The following MCTP2 variants were observed in gnomAD, a reference collection of about 807,000 sequenced individuals.
MCTP2 encodes the protein multiple C2 and transmembrane domain-containing protein 2.
MCTP2 carries 132 observed loss-of-function variants against 111.6 expected under a neutral mutation model. The ratio of observed to expected loss-of-function variants is 1.18; its 90% CI spans 1.03 to 1.37. The LOEUF is 1.37. MCTP2 is among the 40% of genes most tolerant of loss of function. MCTP2 has a pLI of 0.00. For missense variants in MCTP2, 1,183 were observed against 1,067.9 expected (o/e 1.11, Z -1.50); for synonymous variants, 395 against 387.7 (o/e 1.02, Z -0.22).
At chr15:94,281,658 G>A (rs2074492659) in intron 1 of MCTP2, among the ~76,000 whole-genome samples, 1 of 152,068 alleles carries the variant, frequency 6.6e-6, no homozygotes, top group South Asian at 2.1e-4. Context: ...GTGTCAGTGT[G>A]CTATGTACTT....
intron 2 of MCTP2, among the ~76,000 whole-genome samples, chr15:94,311,187 G>C (rs1428078238): frequency 6.6e-6 from 1 of 151,698 alleles, no homozygotes; most frequent in Admixed American, 6.6e-5. Flanking sequence ...ACCACACCCG[G>C]CTAATTTTTG....
At chr15:94,432,614 C>T (rs1335091318) in intron 17 of MCTP2, among the ~76,000 whole-genome samples, 1 of 152,124 alleles carries the variant, frequency 6.6e-6, no homozygotes, top group Non-Finnish European at 1.5e-5. Context: ...AAATGAGGCT[C>T]TTGATTTCAT....
chr15:94,332,265 C>T (rs796825417), intron 4 of MCTP2, among the ~76,000 whole-genome samples: 6 of 134,532 alleles, frequency 4.5e-5, no homozygotes, highest in South Asian at 2.5e-4. Flanking sequence ...TTAGAAACAA[C>T]GTTTTTATTT....
At chr15:94,375,911 C>G (rs147947889) in intron 12 of MCTP2, among the ~76,000 whole-genome samples, 1 of 152,306 alleles carries the variant, frequency 6.6e-6, no homozygotes, top group African/African-American at 2.4e-5. Flanking sequence ...GCTTCCTCGA[C>G]CACTTTTTAA....
chr15:94,313,593 C>G (rs1052563066), intron 2 of MCTP2, among the ~76,000 whole-genome samples: 7 of 151,862 alleles, frequency 4.6e-5, no homozygotes, highest in Admixed American at 3.3e-4. Context: ...CCCAGCTACT[C>G]GGGAGGCTGA....
chr15:94,340,355 G>C, intron 6 of MCTP2, 80 bp downstream of exon 6: 1 of 1,006,780 alleles, frequency 9.9e-7, no homozygotes, highest in Non-Finnish European at 1.6e-6. Flanking sequence ...GCTTGTTGAG[G>C]TCAAATGACA....
chr15:94,323,211 A>AGAACAATGG (rs533372251), intron 4 of MCTP2, among the ~76,000 whole-genome samples: 1 of 152,232 alleles, frequency 6.6e-6, no homozygotes, highest in Non-Finnish European at 1.5e-5. Flanking sequence ...GTCTGGCTTC[A>AGAACAATGG]GAACAATGGG....
chr15:94,237,314 C>T (rs1182708268), intron 1 of MCTP2, among the ~76,000 whole-genome samples: 1 of 152,024 alleles, frequency 6.6e-6, no homozygotes. Context: ...GAGATGAATC[C>T]TCCACTCTCT....
At chr15:94,423,848 A>C (rs954543027) in intron 17 of MCTP2, among the ~76,000 whole-genome samples, 18 of 152,234 alleles carry the variant, frequency 1.2e-4, no homozygotes, top group African/African-American at 4.3e-4. Context: ...TCACATGTAC[A>C]AGGGAGTTTG....
intron 1 of MCTP2, among the ~76,000 whole-genome samples, chr15:94,243,011 ACG>A: frequency 1.1e-5 from 1 of 88,532 alleles, no homozygotes; most frequent in African/African-American, 4.6e-5. Flanking sequence ...CTACACATAC[ACG>A]TGTATATGTG....
chr15:94,250,421 C>T (rs971519215), intron 1 of MCTP2, among the ~76,000 whole-genome samples: 5 of 152,044 alleles, frequency 3.3e-5, no homozygotes, highest in East Asian at 3.8e-4. Flanking sequence ...GTCGTGAGCA[C>T]GTATTGAGGA....
intron 2 of MCTP2, among the ~76,000 whole-genome samples, chr15:94,305,484 G>GAT (rs748109556): frequency 1.4e-3 from 211 of 150,830 alleles, no homozygotes; most frequent in East Asian, 9.9e-3. Flanking sequence ...CACACATGCG[G>GAT]ATATATATAT....
chr15:94,295,813 G>A (rs1269826516), intron 1 of MCTP2, among the ~76,000 whole-genome samples: 1 of 151,824 alleles, frequency 6.6e-6, no homozygotes, highest in African/African-American at 2.4e-5. Context: ...TATTTGGGAG[G>A]CTGAACTGGG....
chr15:94,381,543 A>AGCATC (rs967537931), intron 12 of MCTP2, among the ~76,000 whole-genome samples: 6 of 152,236 alleles, frequency 3.9e-5, no homozygotes, highest in Non-Finnish European at 8.8e-5. Flanking sequence ...AGGACCAGGC[A>AGCATC]GCATCTCTGC....
intron 1 of MCTP2, among the ~76,000 whole-genome samples, chr15:94,281,393 G>T (rs1160151512): frequency 6.6e-6 from 1 of 152,014 alleles, no homozygotes; most frequent in African/African-American, 2.4e-5. Context: ...TGCTTCTTTT[G>T]TTTTCTATTT....
chr15:94,255,979 TA>T (rs1348047218), intron 1 of MCTP2, among the ~76,000 whole-genome samples: 10 of 152,210 alleles, frequency 6.6e-5, no homozygotes, highest in African/African-American at 2.4e-4. Flanking sequence ...AGATGTCGCA[TA>T]AAAACTTTTG....
chr15:94,293,116 A>G (rs752446651), intron 1 of MCTP2, among the ~76,000 whole-genome samples: 4 of 152,168 alleles, frequency 2.6e-5, no homozygotes, highest in Admixed American at 2.0e-4. Flanking sequence ...ATTAGAAAAC[A>G]TGGGAGAAAA....
chr15:94,382,447 G>A (rs1486048125), intron 12 of MCTP2, among the ~76,000 whole-genome samples: 1 of 152,224 alleles, frequency 6.6e-6, no homozygotes, highest in Non-Finnish European at 1.5e-5. Context: ...TGAAATAGTA[G>A]CATTGACTTA....
Position 94,317,003 on chromosome 15 carries a change from TTCTTCAGCTTGA to T in MCTP2, c.637+1378_637+1389del, listed in dbSNP as rs1423227270. On this transcript the variant is annotated intron_variant, in intron 4 of 22. Coordinates refer to ENST00000357742, the MANE Select transcript of MCTP2 (RefSeq NM_001385001.1). The stretch of plus-strand genomic sequence containing the variant: ...CATGACTTTTTCCTCTCGGGAAGAA[TTCTTCAGCTTGA>T]TCTTCAGCTTGCTCATTTTCTTGTC... 3.9e-5 allele frequency among the ~76,000 whole-genome samples: 6 copies of T among 152,308 alleles called. No homozygotes were observed. In the South Asian group the frequency reaches 6.2e-4, roughly 16 times the overall value.
Sources: allele counts gnomAD v4.1 joint callset (sites outside exome capture counted in the v4.1 genomes callset), GRCh38; gene constraint gnomAD v4.1.1; transcripts MANE v1.5; gene names NCBI Gene and HGNC (gene_info 2026-07-23, HGNC 2026-07-21).